Variants in TRIM55 observed in about 807,000 individuals in gnomAD.
TRIM55 encodes the protein tripartite motif containing 55.
In TRIM55, 50 loss-of-function variants were observed where a neutral mutation model predicts 60.9. The observed-to-expected ratio is 0.82, with a 90% CI of 0.65 to 1.04. TRIM55 has a LOEUF of 1.04. Ranked by LOEUF, TRIM55 falls within the 50% of genes least tolerant of loss-of-function variation. The pLI is 0.00. For missense variants in TRIM55, 681 were observed against 666.9 expected (o/e 1.02, Z -0.23); for synonymous variants, 237 against 238.1 (o/e 1.00, Z 0.04).
intron 4 of TRIM55, among the ~76,000 whole-genome samples, chr8:66,140,370 A>T (rs938152335): frequency 6.6e-6 from 1 of 152,242 alleles, no homozygotes; most frequent in African/African-American, 2.4e-5. Context: ...AGTAAGTCTG[A>T]CATTTTTAAT....
Position 66,163,351 on chromosome 8 carries a change from G to A in TRIM55, c.1524+9017G>A, listed in dbSNP as rs1485130465. Reference sequence around the variant, plus strand: ...TTCTCTTCTCTTTCTGTTTGTTAGGGTTAAAGCTCTGATTATTGACATGAG... The same window carrying A: ...TTCTCTTCTCTTTCTGTTTGTTAGGATTAAAGCTCTGATTATTGACATGAG... On this transcript the variant is annotated intron_variant, in intron 9 of 9. Coordinates refer to ENST00000315962, the MANE Select transcript of TRIM55 (RefSeq NM_184085.2). 8.5e-5 allele frequency among the ~76,000 whole-genome samples: 13 copies of A among 152,196 alleles called. No homozygotes were observed. The East Asian group carries it at 2.1e-3, about 25-fold the overall frequency.
At chr8:66,170,413 T>G (rs1334738120) in intron 9 of TRIM55, among the ~76,000 whole-genome samples, 1 of 152,168 alleles carries the variant, frequency 6.6e-6, no homozygotes, top group Non-Finnish European at 1.5e-5. Flanking sequence ...TGTGCCAGAA[T>G]TTTTCTCCTT....
At chr8:66,132,856 C>T (rs1056303115) in intron 2 of TRIM55, among the ~76,000 whole-genome samples, 5 of 152,158 alleles carry the variant, frequency 3.3e-5, no homozygotes, top group East Asian at 1.9e-4. Flanking sequence ...TCAGTGTATA[C>T]AGCACCATGA....
chr8:66,165,844 A>G (rs1221571081), intron 9 of TRIM55, among the ~76,000 whole-genome samples: 2 of 152,196 alleles, frequency 1.3e-5, no homozygotes, highest in South Asian at 4.1e-4. Context: ...AAAAAATTGT[A>G]GGAGAGGGTA....
In TRIM55 at chr8:66,175,285, A is replaced by G. The variant is rs1036291261; in HGVS notation, c.*692A>G. 6 of 152,254 alleles carry G rather than the reference A, an allele frequency of 3.9e-5. No homozygotes were observed. Among genetic ancestry groups the G allele is most frequent in the African/African-American group, 1.4e-4 (6 of 41,444 alleles). The allele number at this position is 152,254 out of a possible 1,614,324, so 9.4% of individuals were successfully genotyped here. On this transcript the variant is annotated 3_prime_UTR_variant, in exon 10 of 10. Coordinates refer to ENST00000315962, the MANE Select transcript of TRIM55 (RefSeq NM_184085.2). ...TTGAATCTTCCAGCAAAAGCTGTCT[A>G]CTTTCTCTTTTATTCACTGTGGCAC...
At chr8:66,174,015 A>C (rs192178964) in intron 9 of TRIM55, among the ~76,000 whole-genome samples, 1 of 152,300 alleles carries the variant, frequency 6.6e-6, no homozygotes, top group African/African-American at 2.4e-5. Flanking sequence ...CTTCTTCAGC[A>C]GTGGAGGGAT....
the TRIM55 span, chr8:66,114,709 C>T: frequency 4.4e-6 from 2 of 449,894 alleles, no homozygotes; most frequent in Admixed American, 4.8e-5. Flanking sequence ...ATCTCAAGTC[C>T]GCAGGGCGGA....
intron 3 of TRIM55, 93 bp from the exon 4 acceptor site, chr8:66,137,002 T>A: frequency 1.9e-6 from 2 of 1,061,488 alleles, no homozygotes; most frequent in Non-Finnish European, 2.7e-6. Context: ...GGATCCTAAA[T>A]TAAGAACCTG....
rs1394212488 is a variant in TRIM55, at chr8:66,149,805, T to C, written c.764T>C (p.Leu255Ser). 3.1e-6 allele frequency: 5 copies of C among 1,614,222 alleles called. No homozygotes were observed. In the East Asian group the frequency reaches 1.1e-4, roughly 36 times the overall value. Residue 255 changes from leucine (L) to serine (S), a missense_variant, in exon 5 of 10, where the codon TTG becomes TCG. Leu to Ser is a moderately radical substitution (Grantham distance 145, BLOSUM62 -2). Coordinates refer to ENST00000315962, the MANE Select transcript of TRIM55 (RefSeq NM_184085.2). ...CTGATCAAAAAGTATTCTGATCATT[T>C]GGAGAACGTCTCAAAGTTGGTTGAG... Reference protein sequence around the residue: ...RALIKKYSDHLENVSKLVESG... With the variant: ...RALIKKYSDHSENVSKLVESG...
chr8:66,147,722 G>A (rs1264972998), intron 4 of TRIM55, among the ~76,000 whole-genome samples: 2 of 150,224 alleles, frequency 1.3e-5, no homozygotes, highest in East Asian at 4.0e-4. Context: ...TTGAACCTGG[G>A]AGGTGGAGCT....
At chr8:66,164,660 C>A (rs766939145) in intron 9 of TRIM55, among the ~76,000 whole-genome samples, 5 of 152,194 alleles carry the variant, frequency 3.3e-5, no homozygotes, top group South Asian at 4.1e-4. Context: ...GCCTCAGGAA[C>A]AAAGTGGGTT....
chr8:66,152,674 C>T lies in TRIM55; in HGVS notation c.1236+47C>T, dbSNP rs376781843. 788 of 1,581,310 alleles carry T rather than the reference C, an allele frequency of 5.0e-4. 11 individuals carry two copies. The South Asian group carries it at 8.5e-3, about 17-fold the overall frequency. The stretch of plus-strand genomic sequence containing the variant: ...TCTACAGGGCACATGGGCGTGTCTC[C>T]TTATGGAATAGCCTAAACAATTTAC... On this transcript the variant is annotated intron_variant, in intron 8 of 9. Coordinates refer to ENST00000315962, the MANE Select transcript of TRIM55 (RefSeq NM_184085.2).
chr8:66,124,653 G>T (rs1049224960), upstream of TRIM55, among the ~76,000 whole-genome samples: 2 of 152,238 alleles, frequency 1.3e-5, no homozygotes, highest in African/African-American at 4.8e-5. Context: ...AAATCATTAA[G>T]CCAAAGGGAA....
the TRIM55 span, among the ~76,000 whole-genome samples, chr8:66,118,998 T>C: frequency 6.6e-4 from 100 of 152,338 alleles, 1 homozygote; most frequent in Non-Finnish European, 1.1e-3. Flanking sequence ...TTGCACAAGA[T>C]TAAGTGTTGA....
intron 3 of TRIM55, 87 bp downstream of exon 3, chr8:66,135,242 C>T (rs957343658): frequency 1.0e-4 from 148 of 1,475,720 alleles, no homozygotes; most frequent in African/African-American, 2.4e-4. Flanking sequence ...TGGCTCCCTG[C>T]GGTGGAGGAG....
At chr8:66,137,039 A>T (rs1477233138) in intron 3 of TRIM55, 56 bp from the exon 4 acceptor site, 2 of 1,433,164 alleles carry the variant, frequency 1.4e-6, no homozygotes, top group African/African-American at 2.8e-5. Context: ...ACCAATTCAC[A>T]GTCGGGGTGG....
At chr8:66,125,506 G>A (rs1808785975), upstream of TRIM55, among the ~76,000 whole-genome samples, 1 of 152,200 alleles carries the variant, frequency 6.6e-6, no homozygotes, top group African/African-American at 2.4e-5. Context: ...TAGATAGCAA[G>A]GTCTTTTGCA....
Position 66,152,390 on chromosome 8 carries a change from A to T in TRIM55, c.999A>T (p.Glu333Asp), listed in dbSNP as rs1168265051. 17 of 1,555,932 alleles carry T rather than the reference A, an allele frequency of 1.1e-5. No homozygotes were observed. The highest frequency in any genetic ancestry group is 1.4e-5 in the Non-Finnish European group (16 of 1,140,522). ...TTACCTTACCAGAAGATGAAGATGAAGAAGAAGAAGAAGGCGGAGAAGGAG... is the reference window on the plus strand; with the variant it reads ...TTACCTTACCAGAAGATGAAGATGATGAAGAAGAAGAAGGCGGAGAAGGAG... ...EIDFYREDED[E>D]EEEEGGEGEK... Residue 333 changes from glutamate (E) to aspartate (D), a missense_variant, in exon 8 of 10, where the codon GAA becomes GAT. Coordinates refer to ENST00000315962, the MANE Select transcript of TRIM55 (RefSeq NM_184085.2).
intron 9 of TRIM55, among the ~76,000 whole-genome samples, chr8:66,163,940 G>A (rs771931617): frequency 4.0e-5 from 6 of 151,840 alleles, no homozygotes; most frequent in Non-Finnish European, 8.8e-5. Flanking sequence ...TTATGTGTTT[G>A]GAAACTGTTT....
Sources: allele counts gnomAD v4.1 joint callset (sites outside exome capture counted in the v4.1 genomes callset), GRCh38; gene constraint gnomAD v4.1.1; transcripts MANE v1.5; gene names NCBI Gene and HGNC (gene_info 2026-07-23, HGNC 2026-07-21).